The following POLD3 variants were observed in gnomAD, a reference collection of about 807,000 sequenced individuals.
POLD3 encodes the protein DNA polymerase delta subunit 3.
In POLD3, 19 loss-of-function variants were observed where a neutral mutation model predicts 58.2. The ratio of observed to expected loss-of-function variants is 0.33; its 90% CI spans 0.23 to 0.48. The LOEUF (loss-of-function observed/expected upper bound fraction) is 0.48, where lower values mean the gene tolerates loss of function less well. Among genes scored for constraint, POLD3 ranks in the 20% least tolerant of loss-of-function variants. The pLI is 0.99. For missense variants in POLD3, 504 were observed against 545.5 expected (o/e 0.92, Z 0.76); for synonymous variants, 172 against 193.5 (o/e 0.89, Z 0.92).
chr11:74,629,218 G>A lies in POLD3; in HGVS notation c.901G>A (p.Gly301Arg), dbSNP rs1259429251. ...VKVLQKEKKRGKRVALSDDET... is the reference protein window; with the variant it reads ...VKVLQKEKKRRKRVALSDDET... ...TAATTTATTTCTGGATGGCAACAGGGGGAAGCGAGTAGCATTATCTGATGA... is the reference window on the plus strand; with the variant it reads ...TAATTTATTTCTGGATGGCAACAGGAGGAAGCGAGTAGCATTATCTGATGA... Residue 301 changes from glycine to arginine, a missense_variant and splice_region_variant, in exon 9 of 12, where the codon GGG (glycine) becomes AGG (arginine). Physicochemically the swap from Gly to Arg is moderately radical, Grantham distance 125. Around this residue, in one of 2 missense-constraint regions of POLD3, gnomAD observed 385 missense variants for 370.5 expected, o/e 1.04. Coordinates refer to ENST00000263681, the MANE Select transcript of POLD3 (RefSeq NM_006591.3). The A allele has an allele frequency of 6.3e-7, 1 of 1,578,046 alleles. No homozygotes were observed. The highest frequency in any genetic ancestry group is 1.1e-5 in the South Asian group (1 of 88,994).
chr11:74,593,681 A>T (rs1449874789), intron 1 of POLD3, among the ~76,000 whole-genome samples: 1 of 152,198 alleles, frequency 6.6e-6, no homozygotes, highest in Non-Finnish European at 1.5e-5. Context: ...TTTCTGAGAC[A>T]TCACACTTCA....
intron 10 of POLD3, among the ~76,000 whole-genome samples, chr11:74,635,044 A>G (rs1420059211): frequency 6.6e-6 from 1 of 152,194 alleles, no homozygotes; most frequent in Non-Finnish European, 1.5e-5. Context: ...ACAGAGGGGA[A>G]CAAACAACTT....
At position 74,656,601 on chromosome 11, in the gene POLD3, T is replaced by G. The variant is rs548091930; in HGVS notation, c.370-12176T>G. ...GACTCCGTCTCAAAAAAAAAAATTC[T>G]TCATTTCTTCATTGACCCACTGGTC... is the stretch of plus-strand genomic sequence containing the variant. On this transcript the variant is annotated intron_variant, in intron 4 of 4. Coordinates refer to the POLD3 transcript ENST00000524752. Among the ~76,000 whole-genome samples the G allele has an allele frequency of 3.9e-4, 57 of 146,804 alleles. No individual in the cohort carries two copies. In the South Asian group the frequency reaches 0.012, roughly 31 times the overall value.
chr11:74,592,925 C>T (rs1437133351), intron 1 of POLD3: 15 of 1,414,110 alleles, frequency 1.1e-5, no homozygotes, highest in East Asian at 2.6e-5. Flanking sequence ...AAGTCCGCGT[C>T]CCTTGGGTGG....
At chr11:74,619,854 T>C (rs2032196874) in intron 6 of POLD3, among the ~76,000 whole-genome samples, 163 bp from the exon 7 acceptor site, 1 of 152,244 alleles carries the variant, frequency 6.6e-6, no homozygotes, top group South Asian at 2.1e-4. Context: ...TGTGGATTAT[T>C]GTTCTAGATT....
At position 74,631,280 on chromosome 11, in the gene POLD3, G is replaced by T. The variant is rs187066860; in HGVS notation, c.1006+1957G>T. 2.0e-5 allele frequency among the ~76,000 whole-genome samples: 3 copies of T among 152,148 alleles called. No individual in the cohort carries two copies. In the East Asian group the frequency reaches 5.8e-4, roughly 29 times the overall value. On this transcript the variant is annotated intron_variant, in intron 9 of 11. Transcript: ENST00000263681. ...AGAACTTTGGAGTCAGGCAGACCTG[G>T]GTTTAAATTTTACCTTGACCACTTA... is the stretch of plus-strand genomic sequence containing the variant.
rs1384672062 is a variant in POLD3 at position 74,592,620 on chromosome 11, G to C, written c.-39G>C. Reference sequence around the variant, plus strand: ...GCCGGCGGGAGCTGTGGCTGTGATTGAGAGAGGGGTTAGAGGCGGGTCCCA... The same window carrying C: ...GCCGGCGGGAGCTGTGGCTGTGATTCAGAGAGGGGTTAGAGGCGGGTCCCA... On this transcript the variant is annotated 5_prime_UTR_variant, in exon 1 of 12. Coordinates refer to ENST00000263681, the MANE Select transcript of POLD3 (RefSeq NM_006591.3). The C allele has an allele frequency of 6.2e-7, 1 of 1,611,554 alleles. No individual in the cohort carries two copies. The highest frequency in any genetic ancestry group is 8.5e-7 in the Non-Finnish European group (1 of 1,178,784).
At chr11:74,623,602 A>G (rs905491851) in intron 7 of POLD3, among the ~76,000 whole-genome samples, 2 of 152,182 alleles carry the variant, frequency 1.3e-5, no homozygotes, top group African/African-American at 4.8e-5. Context: ...TAAAGTGATG[A>G]ATTTTATTGT....
chr11:74,631,731 C>T (rs1249970404), intron 9 of POLD3, among the ~76,000 whole-genome samples: 2 of 152,094 alleles, frequency 1.3e-5, no homozygotes, highest in South Asian at 4.2e-4. Context: ...ATCCACCCGC[C>T]TCGGCCTCTC....
intron 4 of POLD3, among the ~76,000 whole-genome samples, chr11:74,658,515 A>C (rs2033165053): frequency 6.6e-6 from 1 of 152,182 alleles, no homozygotes; most frequent in South Asian, 2.1e-4. Context: ...CACAGTCCAA[A>C]GTCTCATCTG....
chr11:74,623,538 A>G (rs2032332548), intron 7 of POLD3, among the ~76,000 whole-genome samples: 1 of 152,204 alleles, frequency 6.6e-6, no homozygotes, highest in Admixed American at 6.5e-5. Context: ...TGGGGTGATG[A>G]AAATGCTCTA....
In POLD3 at chr11:74,612,974, A is replaced by T. The variant is rs2031964201; in HGVS notation, c.356A>T (p.Tyr119Phe). The change falls in exon 5 of 12, where the codon TAT (tyrosine) becomes TTT (phenylalanine). Residue 119 changes from tyrosine (Y) to phenylalanine (F), a missense_variant. Physicochemically the swap from Tyr to Phe is conservative, Grantham distance 22. Transcript: ENST00000263681. ...KDSGPLFNTD[Y>F]DILKSNLQNC... is the part of the protein sequence containing the mutation. Reference sequence around the variant, plus strand: ...AGTGGGCCTCTGTTCAATACTGACTATGACATCCTTAAAAGCAACTTGCAG... The same window carrying T: ...AGTGGGCCTCTGTTCAATACTGACTTTGACATCCTTAAAAGCAACTTGCAG... The T allele has an allele frequency of 6.2e-7, 1 of 1,613,386 alleles. No individual in the cohort carries two copies.
In POLD3 at chr11:74,596,815, G is replaced by A. The variant is rs138963304; in HGVS notation, c.116+2699G>A. On this transcript the variant is annotated intron_variant, in intron 2 of 11. Transcript: ENST00000263681. ...AAAGAAAATTCTGCTTTCCACTTCC[G>A]TGAGATCACCTTTTACAGATTCCAC... Among the ~76,000 whole-genome samples, 1,293 of 152,140 alleles carry A rather than the reference G, an allele frequency of 8.5e-3. 15 individuals carry two copies. The highest frequency in any genetic ancestry group is 0.03 in the African/African-American group (1,231 of 41,470).
chr11:74,666,587 T>A (rs2033271324), intron 4 of POLD3, among the ~76,000 whole-genome samples: 2 of 152,022 alleles, frequency 1.3e-5, no homozygotes. Flanking sequence ...AGGACCTAAA[T>A]AAATGGAAAC....
At chr11:74,646,610 A>C (rs2033002362), downstream of POLD3, among the ~76,000 whole-genome samples, 1 of 152,260 alleles carries the variant, frequency 6.6e-6, no homozygotes, top group Non-Finnish European at 1.5e-5. Flanking sequence ...AATTGCTTTC[A>C]GTTTAAGTCG....
intron 5 of POLD3, among the ~76,000 whole-genome samples, chr11:74,617,395 C>G (rs2032111082): frequency 1.3e-5 from 2 of 151,980 alleles, no homozygotes; most frequent in African/African-American, 4.8e-5. Flanking sequence ...TCCAGCTTCT[C>G]CCATTTTTTT....
intron 4 of POLD3, among the ~76,000 whole-genome samples, chr11:74,612,549 T>C (rs2031948974): frequency 6.6e-6 from 1 of 152,254 alleles, no homozygotes; most frequent in Non-Finnish European, 1.5e-5. Flanking sequence ...TCTTTAATTA[T>C]ATGCTATAGT....
chr11:74,652,027 C>T (rs2033074473), intron 4 of POLD3, among the ~76,000 whole-genome samples: 1 of 152,140 alleles, frequency 6.6e-6, no homozygotes, highest in South Asian at 2.1e-4. Flanking sequence ...ACCAAGACCA[C>T]TAGGCAAGTC....
intron 9 of POLD3, among the ~76,000 whole-genome samples, chr11:74,629,866 A>G (rs1272332376): frequency 2.6e-5 from 4 of 152,154 alleles, no homozygotes; most frequent in African/African-American, 9.7e-5. Context: ...AATATCAAGT[A>G]TTTTGAAGAG....
Sources: gnomAD v4.1 joint callset for allele counts (sites outside exome capture counted in the v4.1 genomes callset) on GRCh38, gnomAD v4.1.1 for gene constraint, gnomAD v4.1.1 regional missense constraint, MANE v1.5 for transcripts, NCBI Gene and HGNC (gene_info 2026-07-23, HGNC 2026-07-21) for gene names.